GPR153: variants seen among roughly 807,000 people sequenced by gnomAD.
GPR153 encodes the protein probable G protein-coupled receptor 153.
In GPR153, 27 loss-of-function variants were observed where a neutral mutation model predicts 34.1. The observed-to-expected ratio is 0.79, with a 90% CI of 0.58 to 1.09. The LOEUF (loss-of-function observed/expected upper bound fraction) is 1.09. GPR153 is among the 50% of genes least tolerant of loss of function. The pLI is 0.00. For missense variants in GPR153, 848 were observed against 860.2 expected (o/e 0.99, Z 0.18); for synonymous variants, 408 against 405.4 (o/e 1.01, Z -0.08).
At chr1:6,260,377 C>A (rs1419789112) in intron 1 of GPR153, among the ~76,000 whole-genome samples, 1 of 28,436 alleles carries the variant, frequency 3.5e-5, no homozygotes, top group East Asian at 8.8e-4. Context: ...GGGCTCCGAT[C>A]CCCCCCCCCC....
In GPR153 at chr1:6,254,672, C is replaced by T. The variant is rs1374965264; in HGVS notation, c.234G>A (p.Trp78Ter). The T allele has an allele frequency of 1.2e-6, 2 of 1,613,776 alleles. No individual in the cohort carries two copies. The highest frequency in any genetic ancestry group is 1.3e-5 in the African/African-American group (1 of 75,032). ...QLRRQRPDFE[W>*]NEGLCKVFVS... ...CGAAGACCTTGCAGAGACCCTCATT[C>T]CACTCGAAGTCGGGGCGCTGCCGCC... is the stretch of plus-strand genomic sequence containing the variant. Residue 78 changes from tryptophan to a stop codon, truncating the protein, a stop_gained, in exon 2 of 6, where the codon TGG becomes TGA. Transcript: ENST00000377893. LOFTEE classifies it high-confidence loss of function.
At chr1:6,250,401 C>T (rs1638415779) in intron 5 of GPR153, 39 bp downstream of exon 5, 4 of 1,529,082 alleles carry the variant, frequency 2.6e-6, no homozygotes, top group African/African-American at 1.4e-5. Flanking sequence ...GACACCCTGT[C>T]ACCCGCAGGT....
chr1:6,257,126 C>G (rs945927085), intron 1 of GPR153, among the ~76,000 whole-genome samples: 2 of 152,240 alleles, frequency 1.3e-5, no homozygotes, highest in African/African-American at 4.8e-5. Flanking sequence ...ACTCTTGCCC[C>G]GTGCATGACC....
chr1:6,250,126 G>A, intron 5 of GPR153, 123 bp from the exon 6 acceptor site: 1 of 1,324,610 alleles, frequency 7.5e-7, no homozygotes, highest in Non-Finnish European at 9.7e-7. Flanking sequence ...GGGGCAGTCT[G>A]GCTGGGAGCT....
In GPR153 at chr1:6,249,875, G is replaced by C. The variant is rs1638399417; in HGVS notation, c.1293C>G (p.Ala431=). Residue 431 remains alanine, a synonymous_variant, in exon 6 of 6, where the codon GCC becomes GCG. Transcript: ENST00000377893. This position sits in a 1 kb window ranked among gnomAD's most constrained non-coding sequence, Gnocchi z 4.3. The part of the protein sequence containing the change: ...LAALAHLVLP[A]GPERRRASLL... ...GGCTGGCGCGGCGCCGCTCGGGCCCGGCAGGCAGCACCAGGTGCGCCAGGG... is the reference window on the plus strand; with the variant it reads ...GGCTGGCGCGGCGCCGCTCGGGCCCCGCAGGCAGCACCAGGTGCGCCAGGG... 2 of 1,285,272 alleles carry C rather than the reference G, an allele frequency of 1.6e-6. No homozygotes were observed. The highest frequency in any genetic ancestry group is 2.0e-6 in the Non-Finnish European group (2 of 1,012,492). 79.6% of individuals were successfully genotyped at this position (1,285,272 alleles called of 1,614,324 possible).
At chr1:6,260,484 G>C (rs1446737689) in intron 1 of GPR153, among the ~76,000 whole-genome samples, 1 of 151,190 alleles carries the variant, frequency 6.6e-6, no homozygotes, top group East Asian at 2.0e-4. Context: ...CGAGCGACAG[G>C]CTGGGAAACC....
chr1:6,260,546 G>T (rs918990630), intron 1 of GPR153, among the ~76,000 whole-genome samples: 20 of 151,824 alleles, frequency 1.3e-4, no homozygotes, highest in Non-Finnish European at 2.7e-4. Context: ...GCAGGGGCGG[G>T]CTCAGGATCC....
chr1:6,250,364 C>A (rs536602091), intron 5 of GPR153, 76 bp downstream of exon 5: 1 of 1,483,324 alleles, frequency 6.7e-7, no homozygotes, highest in Admixed American at 2.3e-5. Flanking sequence ...AGATGGGCTC[C>A]GAGTGGAGAG....
At chr1:6,252,292 G>T (rs1395062463) in intron 3 of GPR153, among the ~76,000 whole-genome samples, 1 of 152,200 alleles carries the variant, frequency 6.6e-6, no homozygotes, top group Non-Finnish European at 1.5e-5. Flanking sequence ...ATGCTCTAGA[G>T]GGTGAAGACT....
intron 1 of GPR153, among the ~76,000 whole-genome samples, chr1:6,258,046 C>T (rs1340948399): frequency 6.6e-6 from 1 of 152,230 alleles, no homozygotes; most frequent in Non-Finnish European, 1.5e-5. Context: ...AGGTGGGGGG[C>T]CACTGCCGCC....
intron 1 of GPR153, among the ~76,000 whole-genome samples, chr1:6,255,917 G>T (rs1319919714): frequency 6.6e-6 from 1 of 152,048 alleles, no homozygotes; most frequent in East Asian, 1.9e-4. Context: ...CTCCCAAAGT[G>T]CTGGGATTAT....
chr1:6,259,350 C>T (rs1638624549), intron 1 of GPR153, among the ~76,000 whole-genome samples: 1 of 152,212 alleles, frequency 6.6e-6, no homozygotes, highest in Non-Finnish European at 1.5e-5. Flanking sequence ...CCCCACAATT[C>T]ATCCCCATTG....
chr1:6,249,254 C>T lies in GPR153; in HGVS notation c.*84G>A. 2 of 1,034,264 alleles carry T rather than the reference C, an allele frequency of 1.9e-6. No homozygotes were observed. Among genetic ancestry groups the T allele is most frequent in the Non-Finnish European group, 2.5e-6 (2 of 806,982 alleles). The allele number at this position is 1,034,264 out of a possible 1,614,324, so 64.1% of individuals were successfully genotyped here. ...GGGAGGGGTGGCGCATGTCTGCGCG[C>T]GGGGCGGAGGCGGGCGTCTTTGGTG... On this transcript the variant is annotated 3_prime_UTR_variant, in exon 6 of 6. Transcript: ENST00000377893. This position sits in a 1 kb window ranked among gnomAD's most constrained non-coding sequence, Gnocchi z 4.3.
rs754742802 is a variant in GPR153, at chr1:6,254,138, A to C, written c.366T>G (p.Asn122Lys). Residue 122 changes from asparagine to lysine, a missense_variant, in exon 3 of 6, where the codon AAT (asparagine) becomes AAG (lysine). Coordinates refer to ENST00000377893, the MANE Select transcript of GPR153 (RefSeq NM_207370.4). ...CTGTGTGCACCGCCTGCTTCTTGGC[A>C]TTGCTCAGCCTGGCATGAGGCAGGG... ...VCWPVNYRLS[N>K]AKKQAVHTVM... is the part of the protein sequence containing the mutation. 6.2e-7 allele frequency: 1 copy of C among 1,607,302 alleles called. No homozygotes were observed. The highest frequency in any genetic ancestry group is 1.1e-5 in the South Asian group (1 of 90,810).
At position 6,250,425 on chromosome 1, in the gene GPR153, C is replaced by A. The variant is rs1259820451; in HGVS notation, c.1164+15G>T. The A allele has an allele frequency of 6.4e-6, 10 of 1,562,092 alleles. No individual in the cohort carries two copies. Among genetic ancestry groups the A allele is most frequent in the Non-Finnish European group, 7.8e-6 (9 of 1,153,062 alleles). On this transcript the variant is annotated intron_variant, in intron 5 of 5. Transcript: ENST00000377893. ...TCACCCGCAGGTGCGGCCTCTCCCC[C>A]AGCCCTGCGCTCACCTGCAGGTATT...
In GPR153 at chr1:6,249,803, G is replaced by T; in HGVS notation, c.1365C>A (p.Arg455=). 1 of 1,191,032 alleles carries T rather than the reference G, an allele frequency of 8.4e-7. No homozygotes were observed. Among genetic ancestry groups the T allele is most frequent in the Non-Finnish European group, 1.0e-6 (1 of 962,662 alleles). 73.8% of individuals were successfully genotyped at this position (1,191,032 alleles called of 1,614,324 possible). Reference sequence around the variant, plus strand: ...GCAGCGACAGCAGGCTCTCGGCCGAGCGGCGGCGCGCGCGGGACGGTGGTG... The same window carrying T: ...GCAGCGACAGCAGGCTCTCGGCCGATCGGCGGCGCGCGCGGGACGGTGGTG... ...EDAPPSRARR[R]SAESLLSLRP... Residue 455 remains arginine, a synonymous_variant, in exon 6 of 6, where the codon CGC becomes CGA. Coordinates refer to ENST00000377893, the MANE Select transcript of GPR153 (RefSeq NM_207370.4). The surrounding 1 kb of genome is among the most constrained non-coding windows in gnomAD (Gnocchi z 4.3).
chr1:6,256,046 T>G (rs150121063), intron 1 of GPR153, among the ~76,000 whole-genome samples: 5,382 of 152,288 alleles, frequency 0.035, 287 homozygotes, highest in African/African-American at 0.12. Context: ...CTTCCCGCCT[T>G]GGTCTCCCAA....
chr1:6,260,788 C>T (rs1313784960), intron 1 of GPR153, 37 bp downstream of exon 1: 4 of 151,836 alleles, frequency 2.6e-5, no homozygotes, highest in African/African-American at 9.7e-5. Flanking sequence ...GGGGTCCTCC[C>T]GTCCGTCCGC....
At chr1:6,256,704 G>A (rs1010479978) in intron 1 of GPR153, among the ~76,000 whole-genome samples, 24 of 152,138 alleles carry the variant, frequency 1.6e-4, no homozygotes, top group African/African-American at 7.2e-5. Flanking sequence ...GTCTCACTAT[G>A]TTGCCTGGGC....
Sources: gnomAD v4.1 joint callset for allele counts (sites outside exome capture counted in the v4.1 genomes callset) on GRCh38, gnomAD v4.1.1 for gene constraint, Gnocchi (gnomAD v3.1) non-coding constraint, MANE v1.5 for transcripts, NCBI Gene and HGNC (gene_info 2026-07-23, HGNC 2026-07-21) for gene names.